The following DCAF8 variants were observed in gnomAD, a reference collection of about 807,000 sequenced individuals.
DCAF8 encodes the protein DDB1- and CUL4-associated factor 8.
Under a neutral mutation model 68.0 loss-of-function variants are expected in DCAF8, and 20 were observed. The ratio of observed to expected loss-of-function variants is 0.29; its 90% CI spans 0.21 to 0.43. The LOEUF is 0.43. DCAF8 is among the 20% of genes least tolerant of loss of function. The probability of loss-of-function intolerance (pLI) is 1.00; values close to 1 mark genes in which losing one functional copy is unlikely to be tolerated. For synonymous variants in DCAF8, 230 were observed against 276.9 expected, an observed-to-expected ratio of 0.83 and a Z score of 1.68; for missense variants, 460 against 771.0, an observed-to-expected ratio of 0.60 and a Z score of 4.78.
Position 160,262,496 on chromosome 1 carries a change from G to C in DCAF8, c.-148C>G. 1 of 399,928 alleles carries C rather than the reference G, an allele frequency of 2.5e-6. No homozygotes were observed. The highest frequency in any genetic ancestry group is 4.4e-6 in the Non-Finnish European group (1 of 226,630). 24.8% of individuals were successfully genotyped at this position (399,928 alleles called of 1,614,324 possible). Reference sequence around the variant, plus strand: ...CACCGCCTCCGCTCTCTGCGCTTGCGCCTGCGCTGCCACGCTTTCCGGCCC... The same window carrying C: ...CACCGCCTCCGCTCTCTGCGCTTGCCCCTGCGCTGCCACGCTTTCCGGCCC... On this transcript the variant is annotated 5_prime_UTR_variant, in exon 1 of 14. Transcript: ENST00000368074.
chr1:160,250,589 C>A (rs1433710499), intron 2 of DCAF8, among the ~76,000 whole-genome samples: 1 of 150,942 alleles, frequency 6.6e-6, no homozygotes, highest in Admixed American at 6.6e-5. Context: ...TAGAAGTTGA[C>A]AAAAATGGTC....
In DCAF8 at chr1:160,256,383, T is replaced by C. The variant is rs577663155; in HGVS notation, c.-27+4902A>G. On this transcript the variant is annotated intron_variant, in intron 2 of 13. Transcript: ENST00000368074. ...TTACAATAAAACATTAAAGAGAGGC[T>C]TAAAACCTCAAGAAGTGCCTTCCTA... Among the ~76,000 whole-genome samples, 14 of 152,282 alleles carry C rather than the reference T, an allele frequency of 9.2e-5. No homozygotes were observed. In the South Asian group the frequency reaches 1.2e-3, roughly 14 times the overall value.
At chr1:160,251,314 G>GC (rs1373249103) in intron 2 of DCAF8, among the ~76,000 whole-genome samples, 1 of 152,120 alleles carries the variant, frequency 6.6e-6, no homozygotes, top group East Asian at 1.9e-4. Flanking sequence ...AGTCCATCTG[G>GC]TATCAACTAG....
rs1439278676 is a variant in DCAF8 at position 160,240,234 on chromosome 1, T to G, written c.186A>C (p.Thr62=). 9 of 1,614,084 alleles carry G rather than the reference T, an allele frequency of 5.6e-6. No homozygotes were observed. The South Asian group carries it at 9.9e-5, about 18-fold the overall frequency. Residue 62 remains threonine, a synonymous_variant, in exon 4 of 14, where the codon ACA becomes ACC. Coordinates refer to ENST00000368074, the MANE Select transcript of DCAF8 (RefSeq NM_015726.4). ...GDDGGPNRTS[T]ESRGTDTESS... The stretch of plus-strand genomic sequence containing the variant: ...TCTCTGTGTCTGTGCCTCGACTTTC[T>G]GTGCTGGTGCGGTTGGGGCCACCAT...
rs757548440 is a variant in DCAF8 at position 160,261,302 on chromosome 1, C to T, written c.-44G>A. The stretch of plus-strand genomic sequence containing the variant: ...CCACTCACCTTTCCTCCTTTTATCA[C>T]TGAAGTAAGGCCAGGCTGAGCTCCT... On this transcript the variant is annotated 5_prime_UTR_variant, in exon 2 of 14. The change creates a new upstream start codon in the 5' untranslated region. Transcript: ENST00000368074. The T allele has an allele frequency of 2.0e-5, 3 of 152,208 alleles. No individual in the cohort carries two copies. Among genetic ancestry groups the T allele is most frequent in the Non-Finnish European group, 4.4e-5 (3 of 68,054 alleles). The allele number at this position is 152,208 out of a possible 1,614,324, so 9.4% of individuals were successfully genotyped here.
chr1:160,258,671 G>GC (rs1557844650), intron 2 of DCAF8, among the ~76,000 whole-genome samples: 1 of 151,684 alleles, frequency 6.6e-6, no homozygotes, highest in African/African-American at 2.4e-5. Context: ...TGCGGTCCCA[G>GC]CTACTCAGCT....
chr1:160,255,517 TATGA>T (rs1183994791), intron 2 of DCAF8, among the ~76,000 whole-genome samples: 3 of 152,246 alleles, frequency 2.0e-5, no homozygotes, highest in African/African-American at 7.2e-5. Context: ...GGATTCAAAC[TATGA>T]ATAAGGAACT....
chr1:160,258,726 G>C (rs541109937), intron 2 of DCAF8, among the ~76,000 whole-genome samples: 11 of 150,906 alleles, frequency 7.3e-5, no homozygotes, highest in Admixed American at 2.0e-4. Context: ...GACCAGCCTA[G>C]GCAACAAAGT....
At chr1:160,244,776 C>T (rs181590098) in intron 2 of DCAF8, among the ~76,000 whole-genome samples, 192 of 152,138 alleles carry the variant, frequency 1.3e-3, no homozygotes, top group Non-Finnish European at 2.1e-3. Context: ...TGCCACCATG[C>T]CCACCTTTCT....
At chr1:160,242,466 G>A (rs887750346) in intron 3 of DCAF8, among the ~76,000 whole-genome samples, 19 of 152,070 alleles carry the variant, frequency 1.2e-4, no homozygotes, top group Admixed American at 9.2e-4. Context: ...TAACAGGTCT[G>A]TAGAAAAGAA....
rs931468154 is a variant in DCAF8, at chr1:160,253,602, C to T, written c.-27+7683G>A. The stretch of plus-strand genomic sequence containing the variant: ...GGCAAAGGTTGCAGTGAGCCGAGAT[C>T]GCACCATTGCACTCCAGCCTGTGCG... On this transcript the variant is annotated intron_variant, in intron 2 of 13. Transcript: ENST00000368074. 5.0e-5 allele frequency among the ~76,000 whole-genome samples: 7 copies of T among 140,836 alleles called. No individual in the cohort carries two copies. In the East Asian group the frequency reaches 1.1e-3, roughly 22 times the overall value. The allele number at this position is 140,836 out of a possible 152,430, so 92.4% of individuals were successfully genotyped here. A position where few individuals can be genotyped will look rare whatever the true frequency, so the allele number is the denominator to read the frequency against.
In DCAF8 at chr1:160,236,410, GTGTGTATA is replaced by G. The variant is rs1250465340; in HGVS notation, c.959+717_959+724del. On this transcript the variant is annotated intron_variant, in intron 6 of 13. Coordinates refer to ENST00000368074, the MANE Select transcript of DCAF8 (RefSeq NM_015726.4). ...TATATATGTGTACATGTGTATATGT[GTGTGTATA>G]TATGTGTGTGTGTATGTGTGTGTGT... is the stretch of plus-strand genomic sequence containing the variant. 5.7e-3 allele frequency among the ~76,000 whole-genome samples: 869 copies of G among 151,826 alleles called. 11 individuals carry two copies. The highest frequency in any genetic ancestry group is 0.019 in the African/African-American group (806 of 41,336).
chr1:160,240,460 A>G, intron 3 of DCAF8, 90 bp from the exon 4 acceptor site: 1 of 1,299,482 alleles, frequency 7.7e-7, no homozygotes, highest in Non-Finnish European at 1.0e-6. Flanking sequence ...TCACATCAAA[A>G]GACCAAAAAA....
intron 8 of DCAF8, among the ~76,000 whole-genome samples, 196 bp downstream of exon 8, chr1:160,225,395 T>C (rs1373601744): frequency 1.3e-5 from 2 of 152,236 alleles, no homozygotes; most frequent in Non-Finnish European, 2.9e-5. Context: ...ATTTCTATTT[T>C]GTCGATTAAA....
At chr1:160,230,224 G>A (rs1655629232) in intron 7 of DCAF8, among the ~76,000 whole-genome samples, 1 of 152,074 alleles carries the variant, frequency 6.6e-6, no homozygotes, top group Non-Finnish European at 1.5e-5. Context: ...TGGAAATATA[G>A]CTATAAAATG....
chr1:160,240,344 TCTC>T lies in DCAF8; in HGVS notation c.73_75del (p.Glu25del), dbSNP rs746783575. On this transcript the variant is annotated inframe_deletion, in exon 4 of 14. Transcript: ENST00000368074. ...TCCCTCCCCTCTTCAGCTCCAGACA[TCTC>T]CTCTGGACTGCTAGACAGGCTTCCT... 23 of 1,612,790 alleles carry T rather than the reference TCTC, an allele frequency of 1.4e-5. No homozygotes were observed. The African/African-American group carries it at 2.1e-4, about 15-fold the overall frequency.
chr1:160,219,060 G>A lies in DCAF8; in HGVS notation c.1441-92C>T. On this transcript the variant is annotated intron_variant, in intron 11 of 13. Transcript: ENST00000368074. ...CACCTTGAGCCAAATAACTGCCCTT[G>A]ATCAGGGCTGAGGCAGCTGCTGGGG... 3.9e-6 allele frequency: 6 copies of A among 1,547,802 alleles called. No individual in the cohort carries two copies. In the Admixed American group the frequency reaches 5.5e-5, roughly 14 times the overall value.
chr1:160,243,312 T>G (rs1194547306), intron 3 of DCAF8, among the ~76,000 whole-genome samples: 1 of 148,898 alleles, frequency 6.7e-6, no homozygotes, highest in African/African-American at 2.5e-5. Context: ...AGGAAATAAA[T>G]GGAAAGAAGG....
intron 6 of DCAF8, 120 bp downstream of exon 6, chr1:160,237,015 T>A (rs1384867075): frequency 6.2e-6 from 4 of 643,596 alleles, no homozygotes; most frequent in Non-Finnish European, 1.0e-5. Context: ...TTAAACTACC[T>A]CTTAACCATA....
Sources: allele counts gnomAD v4.1 joint callset (sites outside exome capture counted in the v4.1 genomes callset), GRCh38; gene constraint gnomAD v4.1.1; transcripts MANE v1.5; gene names NCBI Gene and HGNC (gene_info 2026-07-23, HGNC 2026-07-21).